RAD54L: variants seen among roughly 807,000 people sequenced by gnomAD.
RAD54L encodes RAD54 like.
In RAD54L, 74 loss-of-function variants were observed where a neutral mutation model predicts 91.6. That is an observed-to-expected ratio of 0.81 (90% CI 0.67 to 0.98). The LOEUF (loss-of-function observed/expected upper bound fraction) is 0.98. RAD54L is among the 50% of genes least tolerant of loss of function. The pLI is 0.00. For missense variants in RAD54L, 887 were observed against 945.7 expected, an observed-to-expected ratio of 0.94 and a Z score of 0.81; for synonymous variants, 304 against 349.7, an observed-to-expected ratio of 0.87 and a Z score of 1.46.
chr1:46,268,374 C>T (rs1186593696), intron 9 of RAD54L, among the ~76,000 whole-genome samples: 1 of 152,168 alleles, frequency 6.6e-6, no homozygotes, highest in African/African-American at 2.4e-5. Context: ...TCCCTGGCAA[C>T]CACACATATA....
rs1245100592 is a variant in RAD54L, at chr1:46,273,363, C to T, written c.1384C>T (p.Leu462=). 5.0e-6 allele frequency: 8 copies of T among 1,611,808 alleles called. No homozygotes were observed. The Admixed American group carries it at 1.0e-4, about 20-fold the overall frequency. ...SLKKLCNHPA[L]IYDKCVEEED... ...GTTTTGTTTTCTCCCAGATCCAGCT[C>T]TAATCTATGATAAGTGTGTGGAAGA... The change falls in exon 13 of 18, where the codon CTA becomes TTA. Residue 462 remains leucine (L), a synonymous_variant. Coordinates refer to ENST00000371975, the MANE Select transcript of RAD54L (RefSeq NM_003579.4).
At chr1:46,250,243 G>A in intron 3 of RAD54L, 124 bp downstream of exon 3, 1 of 1,353,028 alleles carries the variant, frequency 7.4e-7, no homozygotes, top group South Asian at 1.2e-5. Flanking sequence ...ATCTGTAGGG[G>A]CTTTGGACCT....
chr1:46,258,254 C>T (rs1332000535), intron 3 of RAD54L, among the ~76,000 whole-genome samples: 2 of 151,208 alleles, frequency 1.3e-5, no homozygotes, highest in Non-Finnish European at 2.9e-5. Context: ...CTGTTTAGTT[C>T]CCAAGGAGGC....
chr1:46,277,417 T>C, intron 16 of RAD54L: 1 of 306,882 alleles, frequency 3.3e-6, no homozygotes, highest in South Asian at 3.2e-5. Context: ...ATAGGGGATA[T>C]ATATGATTCT....
rs780243987 is a variant in RAD54L, at chr1:46,270,794, C to G, written c.1169+9C>G. On this transcript the variant is annotated intron_variant, in intron 10 of 17. Coordinates refer to ENST00000371975, the MANE Select transcript of RAD54L (RefSeq NM_003579.4). ...ACCAGCATTGTGAATAGGTAATGAC[C>G]TTAAGCGAAGTCATTAGAATTGCCT... 1 of 1,613,952 alleles carries G rather than the reference C, an allele frequency of 6.2e-7. No individual in the cohort carries two copies. The highest frequency in any genetic ancestry group is 2.2e-5 in the East Asian group (1 of 44,886).
intron 3 of RAD54L, among the ~76,000 whole-genome samples, chr1:46,250,989 A>G (rs1407616414): frequency 6.6e-6 from 1 of 150,894 alleles, no homozygotes; most frequent in Admixed American, 6.6e-5. Context: ...AACAAAAAAC[A>G]AAAAACAAAA....
chr1:46,269,613 T>C (rs188540274), intron 9 of RAD54L, among the ~76,000 whole-genome samples: 23 of 152,312 alleles, frequency 1.5e-4, no homozygotes, highest in Admixed American at 1.2e-3. Flanking sequence ...GCCCTTTGCA[T>C]TCCCATGTAA....
chr1:46,269,011 T>A (rs965842055), intron 9 of RAD54L, among the ~76,000 whole-genome samples: 5 of 152,072 alleles, frequency 3.3e-5, no homozygotes, highest in African/African-American at 1.2e-4. Context: ...ATGATTCTCT[T>A]GTATCAGCCT....
At chr1:46,272,939 C>A in intron 12 of RAD54L, 137 bp downstream of exon 12, 1 of 1,298,400 alleles carries the variant, frequency 7.7e-7, no homozygotes, top group Non-Finnish European at 1.1e-6. Flanking sequence ...CAACCCTACC[C>A]AAGGCATGAA....
intron 8 of RAD54L, among the ~76,000 whole-genome samples, chr1:46,264,494 A>G (rs935619047): frequency 6.6e-6 from 1 of 152,250 alleles, no homozygotes; most frequent in Non-Finnish European, 1.5e-5. Context: ...TTTGCCACTT[A>G]CAAGCGTGAC....
At chr1:46,271,371 G>A (rs1308504909) in intron 10 of RAD54L, among the ~76,000 whole-genome samples, 2 of 152,116 alleles carry the variant, frequency 1.3e-5, no homozygotes, top group African/African-American at 2.4e-5. Context: ...ATTTTAGATG[G>A]CAGGACGGGC....
chr1:46,248,799 T>C (rs1436453968), intron 2 of RAD54L, among the ~76,000 whole-genome samples: 2 of 152,214 alleles, frequency 1.3e-5, no homozygotes, highest in East Asian at 3.8e-4. Context: ...TAGAAGCTAA[T>C]ATAGCCTCAG....
intron 3 of RAD54L, among the ~76,000 whole-genome samples, chr1:46,251,317 A>G (rs1659793288): frequency 6.6e-6 from 1 of 152,210 alleles, no homozygotes; most frequent in Non-Finnish European, 1.5e-5. Context: ...CGTCCCCAAA[A>G]CAACAACAAA....
intron 9 of RAD54L, among the ~76,000 whole-genome samples, chr1:46,270,037 C>T (rs1015284519): frequency 6.6e-6 from 1 of 151,114 alleles, no homozygotes; most frequent in Non-Finnish European, 1.5e-5. Flanking sequence ...TGCCCCATTG[C>T]ATTCCAGCCT....
chr1:46,261,216 T>C lies in RAD54L; in HGVS notation c.767-45T>C, dbSNP rs759431354. On this transcript the variant is annotated intron_variant, in intron 7 of 17. Coordinates refer to ENST00000371975, the MANE Select transcript of RAD54L (RefSeq NM_003579.4). Reference sequence around the variant, plus strand: ...AATTGTTTTTTTTGTTTTTTTTTTTTTCAAAAGATTCTGAATTGTTCCCTT... The same window carrying C: ...AATTGTTTTTTTTGTTTTTTTTTTTCTCAAAAGATTCTGAATTGTTCCCTT... 21 of 1,608,396 alleles carry C rather than the reference T, an allele frequency of 1.3e-5. No homozygotes were observed. The South Asian group carries it at 2.2e-4, about 17-fold the overall frequency.
At chr1:46,278,038 C>T (rs1489760838) in intron 17 of RAD54L, 34 bp from the exon 18 acceptor site, 2 of 1,613,996 alleles carry the variant, frequency 1.2e-6, no homozygotes, top group Admixed American at 3.3e-5. Flanking sequence ...GAGATGGGAT[C>T]TGTAGTGACT....
chr1:46,251,764 G>C (rs1226455761), intron 3 of RAD54L, among the ~76,000 whole-genome samples: 1 of 152,112 alleles, frequency 6.6e-6, no homozygotes, highest in African/African-American at 2.4e-5. Flanking sequence ...AAAAAAATTA[G>C]CTGGGCATGG....
chr1:46,261,510 C>T, intron 8 of RAD54L, 125 bp downstream of exon 8: 1 of 1,246,736 alleles, frequency 8.0e-7, no homozygotes, highest in Middle Eastern at 2.0e-4. Flanking sequence ...GCCTTGGAGA[C>T]AAGTGACAGG....
intron 16 of RAD54L, among the ~76,000 whole-genome samples, chr1:46,276,913 G>C (rs1660622200): frequency 6.6e-6 from 1 of 152,188 alleles, no homozygotes; most frequent in South Asian, 2.1e-4. Flanking sequence ...CGATTCTCCT[G>C]CTTCTCCTGA....
Sources: allele counts gnomAD v4.1 joint callset (sites outside exome capture counted in the v4.1 genomes callset), GRCh38; gene constraint gnomAD v4.1.1; transcripts MANE v1.5; gene names NCBI Gene and HGNC (gene_info 2026-07-23, HGNC 2026-07-21).